The following PFDN1 variants were observed in gnomAD, a reference collection of about 807,000 sequenced individuals.
The protein encoded by PFDN1 is prefoldin 1.
Under a neutral mutation model 17.3 loss-of-function variants are expected in PFDN1, and 6 were observed. The ratio of observed to expected loss-of-function variants is 0.35; its 90% confidence interval spans 0.19 to 0.69. The LOEUF (loss-of-function observed/expected upper bound fraction) is 0.69, where lower values mean the gene tolerates loss of function less well. PFDN1 is among the 30% of genes least tolerant of loss of function. The pLI is 0.65. For synonymous variants in PFDN1, 58 were observed against 50.1 expected, an observed-to-expected ratio of 1.16 and a Z score of -0.67; for missense variants, 113 against 146.2, an observed-to-expected ratio of 0.77 and a Z score of 1.17.
At chr5:140,274,869 T>C (rs1202584245) in intron 3 of PFDN1, among the ~76,000 whole-genome samples, 1 of 151,900 alleles carries the variant, frequency 6.6e-6, no homozygotes, top group Non-Finnish European at 1.5e-5. Context: ...CCCAGGCACC[T>C]GTAATCCCAG....
chr5:140,256,658 C>CAAAAAAAAAAAAAAAAAAAAAAAAAA (rs757723797), intron 3 of PFDN1, among the ~76,000 whole-genome samples: 7 of 39,898 alleles, frequency 1.8e-4, no homozygotes, highest in East Asian at 1.3e-3. Context: ...CAAAAAATGA[C>CAAAAAAAAAAAAAAAAAAAAAAAAAA]AAAAAAAAAA....
At chr5:140,294,492 T>G (rs1411715536) in intron 2 of PFDN1, among the ~76,000 whole-genome samples, 4 of 151,984 alleles carry the variant, frequency 2.6e-5, no homozygotes, top group Non-Finnish European at 2.9e-5. Context: ...TATTAACATT[T>G]AACATAACTA....
At chr5:140,287,045 G>A (rs1765506496) in intron 2 of PFDN1, among the ~76,000 whole-genome samples, 1 of 152,148 alleles carries the variant, frequency 6.6e-6, no homozygotes, top group African/African-American at 2.4e-5. Flanking sequence ...TCTAATGTAA[G>A]TTATTATAAA....
intron 2 of PFDN1, among the ~76,000 whole-genome samples, chr5:140,292,091 T>G (rs1765589985): frequency 6.6e-6 from 1 of 152,218 alleles, no homozygotes. Flanking sequence ...ATGATGTTTA[T>G]TTCGGGTTAC....
intron 3 of PFDN1, among the ~76,000 whole-genome samples, chr5:140,271,918 A>G (rs577289367): frequency 1.7e-4 from 26 of 149,596 alleles, no homozygotes; most frequent in Non-Finnish European, 3.3e-4. Flanking sequence ...ATATATATAC[A>G]CACACATATA....
chr5:140,246,791 C>T (rs903274525), intron 3 of PFDN1, among the ~76,000 whole-genome samples: 1 of 152,198 alleles, frequency 6.6e-6, no homozygotes, highest in African/African-American at 2.4e-5. Flanking sequence ...TTGCCCTGTG[C>T]TCACCCCAGA....
At chr5:140,296,930 A>T (rs1306300667) in intron 2 of PFDN1, among the ~76,000 whole-genome samples, 1 of 152,222 alleles carries the variant, frequency 6.6e-6, no homozygotes, top group Non-Finnish European at 1.5e-5. Context: ...ATGAATAACC[A>T]TGAATGCAAG....
At chr5:140,287,191 T>C (rs1284498252) in intron 2 of PFDN1, among the ~76,000 whole-genome samples, 1 of 152,154 alleles carries the variant, frequency 6.6e-6, no homozygotes, top group African/African-American at 2.4e-5. Context: ...GATAAATAAA[T>C]AAGTAAATGG....
intron 3 of PFDN1, among the ~76,000 whole-genome samples, chr5:140,275,048 C>A (rs1765268790): frequency 6.7e-6 from 1 of 148,910 alleles, no homozygotes; most frequent in South Asian, 2.1e-4. Context: ...ATTCTTTGTA[C>A]AATTCATAGG....
chr5:140,251,893 A>G (rs1764918674), intron 3 of PFDN1, among the ~76,000 whole-genome samples: 1 of 152,202 alleles, frequency 6.6e-6, no homozygotes, highest in Non-Finnish European at 1.5e-5. Flanking sequence ...CAATCTCTCA[A>G]ATAGACTCCT....
chr5:140,248,373 C>G (rs562686827), intron 3 of PFDN1, among the ~76,000 whole-genome samples: 23 of 152,240 alleles, frequency 1.5e-4, no homozygotes, highest in Middle Eastern at 6.8e-3. Context: ...GGCCGATAAA[C>G]AACTCTTAGA....
In PFDN1 at chr5:140,252,704, A is replaced by C. The variant is rs1227369444; in HGVS notation, c.286-6647T>G. 2.6e-5 allele frequency among the ~76,000 whole-genome samples: 4 copies of C among 152,208 alleles called. No individual in the cohort carries two copies. In the East Asian group the frequency reaches 7.7e-4, roughly 29 times the overall value. ...CCAAGAACTCACTGAGGGCTGAAGAAGCATGTTTTGATGGGGGACAAGGTT... is the reference window on the plus strand; with the variant it reads ...CCAAGAACTCACTGAGGGCTGAAGACGCATGTTTTGATGGGGGACAAGGTT... On this transcript the variant is annotated intron_variant, in intron 3 of 3. Coordinates refer to ENST00000261813, the MANE Select transcript of PFDN1 (RefSeq NM_002622.5).
chr5:140,283,469 G>T (rs568332124), intron 2 of PFDN1, among the ~76,000 whole-genome samples: 70 of 152,070 alleles, frequency 4.6e-4, no homozygotes, highest in East Asian at 5.8e-4. Flanking sequence ...TCCTGACCTC[G>T]TGATCTGCCC....
At chr5:140,279,576 G>A (rs1581092471) in intron 3 of PFDN1, among the ~76,000 whole-genome samples, 1 of 151,502 alleles carries the variant, frequency 6.6e-6, no homozygotes, top group African/African-American at 2.4e-5. Flanking sequence ...CAATCCTCCC[G>A]CTTCAGCCTC....
chr5:140,293,582 T>C (rs373475773), intron 2 of PFDN1, among the ~76,000 whole-genome samples: 8 of 152,126 alleles, frequency 5.3e-5, no homozygotes, highest in South Asian at 4.1e-4. Flanking sequence ...CTGGGGCATA[T>C]GGGAGGGGAA....
rs1364140918 is a variant in PFDN1 at position 140,266,814 on chromosome 5, ACAAG to A, written c.285+14631_285+14634del. Among the ~76,000 whole-genome samples, 7 of 152,380 alleles carry A rather than the reference ACAAG, an allele frequency of 4.6e-5. No homozygotes were observed. The East Asian group carries it at 1.3e-3, about 29-fold the overall frequency. On this transcript the variant is annotated intron_variant, in intron 3 of 3. Transcript: ENST00000261813. ...TCCTTCAGTGATCATCAACAGCTTTACAAGCAAGTACTAGACTGCTGTCTCTATA... is the reference window on the plus strand; with the variant it reads ...TCCTTCAGTGATCATCAACAGCTTTACAAGTACTAGACTGCTGTCTCTATA...
intron 3 of PFDN1, among the ~76,000 whole-genome samples, chr5:140,247,283 C>T (rs1764844304): frequency 6.6e-6 from 1 of 151,874 alleles, no homozygotes; most frequent in South Asian, 2.1e-4. Flanking sequence ...ACCACCATGC[C>T]CGGCTAATTT....
chr5:140,253,423 G>C lies in PFDN1; in HGVS notation c.286-7366C>G, dbSNP rs556018143. On this transcript the variant is annotated intron_variant, in intron 3 of 3. Coordinates refer to ENST00000261813, the MANE Select transcript of PFDN1 (RefSeq NM_002622.5). ...CACTTTACAGCAGATATACACGAGG[G>C]GAAAAAATTCTTCTTCAAACAACAG... 4.3e-4 allele frequency among the ~76,000 whole-genome samples: 65 copies of C among 152,200 alleles called. 1 individual carries two copies. The South Asian group carries it at 0.013, about 31-fold the overall frequency.
chr5:140,246,887 G>A (rs944761619), intron 3 of PFDN1, among the ~76,000 whole-genome samples: 5 of 152,110 alleles, frequency 3.3e-5, no homozygotes, highest in African/African-American at 1.2e-4. Flanking sequence ...TGAAGCCTCC[G>A]TTTTAGAGGA....
Sources: gnomAD v4.1 joint callset for allele counts (sites outside exome capture counted in the v4.1 genomes callset) on GRCh38, gnomAD v4.1.1 for gene constraint, MANE v1.5 for transcripts, NCBI Gene and HGNC (gene_info 2026-07-23, HGNC 2026-07-21) for gene names.